Variants in PPAT observed in about 807,000 individuals in gnomAD.
PPAT encodes amidophosphoribosyltransferase.
In PPAT, 20 loss-of-function variants were observed where a neutral mutation model predicts 60.2. The observed-to-expected ratio is 0.33, with a 90% CI of 0.23 to 0.48. The LOEUF (loss-of-function observed/expected upper bound fraction) is 0.48, where lower values mean the gene tolerates loss of function less well. Ranked by LOEUF, PPAT falls within the 20% of genes least tolerant of loss-of-function variation. The pLI is 0.99. For synonymous variants in PPAT, 194 were observed against 215.1 expected, an observed-to-expected ratio of 0.90 and a Z score of 0.86; for missense variants, 349 against 629.6, an observed-to-expected ratio of 0.55 and a Z score of 4.77.
chr4:56,425,346 T>C lies in PPAT; in HGVS notation c.128+10004A>G. 3 of 411,644 alleles carry C rather than the reference T, an allele frequency of 7.3e-6. No individual in the cohort carries two copies. The South Asian group carries it at 3.0e-4, about 42-fold the overall frequency. The allele number at this position is 411,644 out of a possible 1,614,324, so 25.5% of individuals were successfully genotyped here. ...ACTTTAGTCATATGAAACACAATAC[T>C]GAGAACTTTTCATTTTAATCCAATA... On this transcript the variant is annotated intron_variant, in intron 1 of 10. Transcript: ENST00000264220.
rs1328444108 is a variant in PPAT, at chr4:56,394,566, G to T, written c.*786C>A. The T allele has an allele frequency of 1.3e-5, 2 of 152,110 alleles. No individual in the cohort carries two copies. The highest frequency in any genetic ancestry group is 2.9e-5 in the Non-Finnish European group (2 of 68,030). The allele number at this position is 152,110 out of a possible 1,614,324, so 9.4% of individuals were successfully genotyped here. A position where few individuals can be genotyped will look rare whatever the true frequency, so the allele number is the denominator to read the frequency against. On this transcript the variant is annotated 3_prime_UTR_variant, in exon 11 of 11. Coordinates refer to ENST00000264220, the MANE Select transcript of PPAT (RefSeq NM_002703.5). ...TATGGATCACATTTTCTAGTCAAATGTAGGAAAAACTTTTTCACAGATTTT... is the reference window on the plus strand; with the variant it reads ...TATGGATCACATTTTCTAGTCAAATTTAGGAAAAACTTTTTCACAGATTTT...
intron 1 of PPAT, among the ~76,000 whole-genome samples, chr4:56,417,129 G>T (rs1005799342): frequency 6.6e-6 from 1 of 152,138 alleles, no homozygotes; most frequent in African/African-American, 2.4e-5. Context: ...GATTACAGGC[G>T]TGAGCCACTG....
intron 6 of PPAT, among the ~76,000 whole-genome samples, chr4:56,401,840 T>G (rs1716119416): frequency 6.6e-6 from 1 of 152,136 alleles, no homozygotes; most frequent in Non-Finnish European, 1.5e-5. Flanking sequence ...TTTCATATTG[T>G]ACTGTAAAAA....
intron 1 of PPAT, among the ~76,000 whole-genome samples, chr4:56,433,527 C>T (rs1717718082): frequency 6.8e-6 from 1 of 148,074 alleles, no homozygotes; most frequent in African/African-American, 2.5e-5. Flanking sequence ...TTTCTTCAGG[C>T]ACACATTTAA....
intron 6 of PPAT, among the ~76,000 whole-genome samples, chr4:56,401,704 G>C (rs1716116437): frequency 6.6e-6 from 1 of 151,932 alleles, no homozygotes; most frequent in South Asian, 2.1e-4. Context: ...AAAAAATTAA[G>C]GGCCCTAAGT....
chr4:56,396,564 A>G lies in PPAT; in HGVS notation c.1357+55T>C. On this transcript the variant is annotated intron_variant, in intron 10 of 10. Coordinates refer to ENST00000264220, the MANE Select transcript of PPAT (RefSeq NM_002703.5). The surrounding 1 kb of genome is among the most constrained non-coding windows in gnomAD (Gnocchi z 4.6). ...TTTTACTAAAGGTGTAAAGACTGTC[A>G]AGCTTTGGATTTTCTCTGTTAATAA... 1 of 1,518,228 alleles carries G rather than the reference A, an allele frequency of 6.6e-7. No homozygotes were observed. Among genetic ancestry groups the G allele is most frequent in the Non-Finnish European group, 9.1e-7 (1 of 1,104,706 alleles). The allele number at this position is 1,518,228 out of a possible 1,614,324, so 94.0% of individuals were successfully genotyped here. A position where few individuals can be genotyped will look rare whatever the true frequency, so the allele number is the denominator to read the frequency against.
At chr4:56,429,241 G>T (rs1330122568) in intron 1 of PPAT, among the ~76,000 whole-genome samples, 1 of 152,138 alleles carries the variant, frequency 6.6e-6, no homozygotes, top group Non-Finnish European at 1.5e-5. Context: ...AAGAGTGAGA[G>T]TAACACTGAA....
intron 1 of PPAT, among the ~76,000 whole-genome samples, chr4:56,414,642 T>G (rs1452216202): frequency 6.6e-6 from 1 of 152,242 alleles, no homozygotes; most frequent in East Asian, 1.9e-4. Context: ...CTGAAGAGGT[T>G]GGAGAGAGAG....
In PPAT at chr4:56,395,457, G is replaced by A. The variant is rs748196939; in HGVS notation, c.1449C>T (p.His483=). Residue 483 remains histidine, a synonymous_variant, in exon 11 of 11, where the codon CAC becomes CAT. Transcript: ENST00000264220. ...TTCCATTTTCTTGGATCATAATATC[G>A]TGCTTTTTCTCTTTCTGTTTTTTAA... is the stretch of plus-strand genomic sequence containing the variant. The part of the protein sequence containing the change: ...IKFKKQKEKK[H]DIMIQENGNG... The A allele has an allele frequency of 1.8e-5, 29 of 1,611,008 alleles. No individual in the cohort carries two copies. Among genetic ancestry groups the A allele is most frequent in the South Asian group, 5.5e-5 (5 of 90,752 alleles).
chr4:56,410,478 G>C (rs1478240268), intron 1 of PPAT: 1 of 981,706 alleles, frequency 1.0e-6, no homozygotes, highest in Non-Finnish European at 1.2e-6. Flanking sequence ...ACAAAACCTT[G>C]GCTGGAAATA....
intron 1 of PPAT, chr4:56,422,872 C>G (rs1027134384): frequency 1.3e-5 from 2 of 152,194 alleles, no homozygotes; most frequent in Non-Finnish European, 2.9e-5. Flanking sequence ...TCAGCATTAA[C>G]TGAGAACTTA....
chr4:56,423,627 T>C (rs895957718), intron 1 of PPAT, among the ~76,000 whole-genome samples: 4 of 151,806 alleles, frequency 2.6e-5, no homozygotes, highest in East Asian at 1.9e-4. Context: ...ATTTTTTACA[T>C]GTAGAAGAAA....
Position 56,396,444 on chromosome 4 carries a change from G to A in PPAT, c.1357+175C>T, listed in dbSNP as rs1011418800. On this transcript the variant is annotated intron_variant, in intron 10 of 10. Transcript: ENST00000264220. The surrounding 1 kb of genome is among the most constrained non-coding windows in gnomAD (Gnocchi z 4.6). Reference sequence around the variant, plus strand: ...TTAGCTCTCCAACACAAGACTCTGTGGTGTCTGCCCATGCCCACTACTCTC... The same window carrying A: ...TTAGCTCTCCAACACAAGACTCTGTAGTGTCTGCCCATGCCCACTACTCTC... 2 of 538,280 alleles carry A rather than the reference G, an allele frequency of 3.7e-6. No homozygotes were observed. Among genetic ancestry groups the A allele is most frequent in the African/African-American group, 2.0e-5 (1 of 50,978 alleles). The allele number at this position is 538,280 out of a possible 1,614,324, so 33.3% of individuals were successfully genotyped here.
Position 56,395,082 on chromosome 4 carries a change from C to T in PPAT, c.*270G>A, listed in dbSNP as rs1302895778. On this transcript the variant is annotated 3_prime_UTR_variant, in exon 11 of 11. Transcript: ENST00000264220. ...CATGGACTTGGGAAATGTCAGTGAC[C>T]ACCTGCCTTCTCTGACCAGGTTAAA... 5.9e-6 allele frequency: 2 copies of T among 341,366 alleles called. No individual in the cohort carries two copies. The highest frequency in any genetic ancestry group is 1.1e-5 in the Non-Finnish European group (2 of 190,344). The allele number at this position is 341,366 out of a possible 1,614,324, so 21.1% of individuals were successfully genotyped here. A position where few individuals can be genotyped will look rare whatever the true frequency, so the allele number is the denominator to read the frequency against.
chr4:56,403,444 T>G, intron 3 of PPAT, 43 bp from the exon 4 acceptor site: 1 of 1,457,236 alleles, frequency 6.9e-7, no homozygotes, highest in Non-Finnish European at 9.6e-7. Flanking sequence ...GAGGGGAAGC[T>G]CCACCCCACC....
At chr4:56,398,606 C>A (rs1016859297) in intron 9 of PPAT, among the ~76,000 whole-genome samples, 2 of 151,098 alleles carry the variant, frequency 1.3e-5, no homozygotes, top group African/African-American at 4.9e-5. Context: ...TGTGCCACCA[C>A]GCCCCACCCA....
Position 56,406,573 on chromosome 4 carries a change from G to C in PPAT, c.324C>G (p.Phe108Leu). ...GKCELENCQP[F>L]VVETLHGKIA... is the part of the protein sequence containing the mutation. ...TCTTCCCATGAAGTGTTTCAACAAC[G>C]AAGGGCTGACAATTTTCTAGTTCAC... The change falls in exon 3 of 11, where the codon TTC becomes TTG. Residue 108 changes from phenylalanine (F) to leucine (L), a missense_variant. Phe to Leu is a conservative substitution (Grantham distance 22, BLOSUM62 0). Around this residue, in one of 5 missense-constraint regions of PPAT, gnomAD observed 115 missense variants for 174.5 expected, o/e 0.66. Coordinates refer to ENST00000264220, the MANE Select transcript of PPAT (RefSeq NM_002703.5). The C allele has an allele frequency of 6.2e-7, 1 of 1,613,682 alleles. No individual in the cohort carries two copies. The highest frequency in any genetic ancestry group is 1.1e-5 in the South Asian group (1 of 91,058).
At chr4:56,429,010 G>A in intron 1 of PPAT, 3 of 959,426 alleles carry the variant, frequency 3.1e-6, no homozygotes, top group Non-Finnish European at 3.7e-6. Context: ...AAGATGGTAA[G>A]AGCCAGAGAA....
At chr4:56,403,470 A>C in intron 3 of PPAT, 69 bp from the exon 4 acceptor site, 1 of 1,129,016 alleles carries the variant, frequency 8.9e-7, no homozygotes. Context: ...CCCAGTAGCC[A>C]ACCATAATGA....
Sources: gnomAD v4.1 joint callset for allele counts (sites outside exome capture counted in the v4.1 genomes callset) on GRCh38, gnomAD v4.1.1 for gene constraint, gnomAD v4.1.1 regional missense constraint, Gnocchi (gnomAD v3.1) non-coding constraint, MANE v1.5 for transcripts, NCBI Gene and HGNC (gene_info 2026-07-23, HGNC 2026-07-21) for gene names.